TMEM255B: variants seen among roughly 807,000 people sequenced by gnomAD.
TMEM255B encodes the protein family with sequence similarity 70, member B.
TMEM255B carries 35 observed loss-of-function variants against 34.5 expected under a neutral mutation model. The ratio of observed to expected loss-of-function variants is 1.01; its 90% CI spans 0.77 to 1.34. The LOEUF (loss-of-function observed/expected upper bound fraction) is 1.34. Among genes scored for constraint, TMEM255B ranks in the 40% most tolerant of loss-of-function variants. The pLI, the probability that TMEM255B is intolerant of heterozygous loss-of-function variation, is 0.00. For missense variants in TMEM255B, 432 were observed against 433.2 expected (o/e 1.00, Z 0.02); for synonymous variants, 206 against 201.2 (o/e 1.02, Z -0.20).
In TMEM255B at chr13:113,802,896, C is replaced by T. The variant is rs1223650347; in HGVS notation, c.669+1084C>T. On this transcript the variant is annotated intron_variant, in intron 7 of 8. Coordinates refer to ENST00000375353, the MANE Select transcript of TMEM255B (RefSeq NM_182614.4). ...GGGGTCCTTGCTCTGTGGTGACAGCCGGCCGGCCCCTGCGGTGGGAGCGGG... is the reference window on the plus strand; with the variant it reads ...GGGGTCCTTGCTCTGTGGTGACAGCTGGCCGGCCCCTGCGGTGGGAGCGGG... 4.7e-5 allele frequency among the ~76,000 whole-genome samples: 7 copies of T among 148,018 alleles called. 2 individuals are homozygous for T. Among genetic ancestry groups the T allele is most frequent in the South Asian group, 2.1e-4 (1 of 4,764 alleles).
At chr13:113,759,548 CTG>C (rs1482181632) in intron 1 of TMEM255B, among the ~76,000 whole-genome samples, 1 of 98,188 alleles carries the variant, frequency 1.0e-5, no homozygotes, top group Non-Finnish European at 2.1e-5. Flanking sequence ...GTCTCTCTCT[CTG>C]TCTCTGTCTC....
chr13:113,807,398 ACACGTG>A (rs1194015999), intron 8 of TMEM255B, among the ~76,000 whole-genome samples: 1 of 121,194 alleles, frequency 8.3e-6, no homozygotes. Flanking sequence ...CCTCCCTGTC[ACACGTG>A]GGCTTACGGG....
intron 1 of TMEM255B, 78 bp from the exon 2 acceptor site, chr13:113,766,037 C>A: frequency 1.9e-6 from 3 of 1,579,932 alleles, no homozygotes; most frequent in Admixed American, 1.7e-5. Context: ...GGTAACGGAG[C>A]ACGGCCCAGA....
At chr13:113,775,691 A>G (rs557607472) in intron 3 of TMEM255B, among the ~76,000 whole-genome samples, 5 of 152,362 alleles carry the variant, frequency 3.3e-5, no homozygotes, top group Non-Finnish European at 7.3e-5. Flanking sequence ...GGAGTGGAGC[A>G]CAGGCGGAGC....
At chr13:113,759,544 C>CTCTCTG (rs58074269) in intron 1 of TMEM255B, among the ~76,000 whole-genome samples, 29 of 152,038 alleles carry the variant, frequency 1.9e-4, no homozygotes, top group Admixed American at 7.8e-4. Flanking sequence ...CCCTGTCTCT[C>CTCTCTG]TCTCTGTCTC....
chr13:113,805,717 C>T (rs560221648), intron 8 of TMEM255B, among the ~76,000 whole-genome samples: 4 of 152,322 alleles, frequency 2.6e-5, no homozygotes, highest in East Asian at 1.9e-4. Context: ...CCTCTGCCTG[C>T]GGCATATCAG....
At chr13:113,807,829 G>A (rs1410948803) in intron 8 of TMEM255B, among the ~76,000 whole-genome samples, 2 of 140,908 alleles carry the variant, frequency 1.4e-5, no homozygotes. Context: ...GGGATGTGGG[G>A]GGTGGTCCTC....
chr13:113,782,121 AT>A (rs1258679709), intron 3 of TMEM255B, among the ~76,000 whole-genome samples: 1 of 152,190 alleles, frequency 6.6e-6, no homozygotes, highest in Non-Finnish European at 1.5e-5. Context: ...TTTTGAAGAT[AT>A]TTTTATTTTA....
At chr13:113,779,639 A>G (rs1194027911) in intron 3 of TMEM255B, among the ~76,000 whole-genome samples, 3 of 152,174 alleles carry the variant, frequency 2.0e-5, no homozygotes, top group Non-Finnish European at 4.4e-5. Flanking sequence ...GGGGGCGTAG[A>G]GGGAGCGTCT....
chr13:113,778,151 G>GAACAGGAT (rs2050609575), intron 3 of TMEM255B, among the ~76,000 whole-genome samples: 1 of 152,252 alleles, frequency 6.6e-6, no homozygotes, highest in African/African-American at 2.4e-5. Flanking sequence ...TGCAGGACAG[G>GAACAGGAT]CGTGTTCCTG....
chr13:113,776,127 G>A (rs1235751113), intron 3 of TMEM255B, among the ~76,000 whole-genome samples: 2 of 152,182 alleles, frequency 1.3e-5, no homozygotes, highest in African/African-American at 4.8e-5. Flanking sequence ...AGAGGACCCT[G>A]TCCCGTCCCC....
chr13:113,803,857 G>A (rs1288535086), intron 7 of TMEM255B, among the ~76,000 whole-genome samples: 5 of 152,276 alleles, frequency 3.3e-5, no homozygotes, highest in African/African-American at 9.6e-5. Context: ...GGGCAGCACC[G>A]TTGTCTGAGG....
intron 3 of TMEM255B, among the ~76,000 whole-genome samples, chr13:113,792,097 G>A (rs1472427317): frequency 6.6e-6 from 1 of 152,248 alleles, no homozygotes; most frequent in African/African-American, 2.4e-5. Context: ...GGCCCCGACT[G>A]GGAAACCTCA....
chr13:113,811,856 C>G lies in TMEM255B; in HGVS notation c.934C>G (p.Pro312Ala). The change falls in exon 9 of 9, where the codon CCC (proline) becomes GCC (alanine). Residue 312 changes from proline to alanine, a missense_variant. Physicochemically the swap from Pro to Ala is conservative, Grantham distance 27. Transcript: ENST00000375353. ...LPGQAPPCYA[P>A]TYFPPGEKPP... ...CGGCCAGGCTCCACCGTGCTACGCA[C>G]CCACCTACTTTCCCCCGGGGGAGAA... 6.2e-7 allele frequency: 1 copy of G among 1,613,802 alleles called. No homozygotes were observed. The highest frequency in any genetic ancestry group is 8.5e-7 in the Non-Finnish European group (1 of 1,179,796).
intron 3 of TMEM255B, among the ~76,000 whole-genome samples, chr13:113,772,336 A>G (rs2050492127): frequency 6.6e-6 from 1 of 152,134 alleles, no homozygotes. Context: ...AAAAGTTTTT[A>G]ATTTTGATGA....
At chr13:113,794,991 C>T (rs1041314343) in intron 3 of TMEM255B, among the ~76,000 whole-genome samples, 157 bp from the exon 4 acceptor site, 1 of 152,222 alleles carries the variant, frequency 6.6e-6, no homozygotes, top group South Asian at 2.1e-4. Context: ...TGGAGTCCGG[C>T]CTGGCCAGGG....
intron 8 of TMEM255B, among the ~76,000 whole-genome samples, chr13:113,810,705 T>G (rs1335917880): frequency 6.6e-6 from 1 of 152,132 alleles, no homozygotes; most frequent in East Asian, 1.9e-4. Flanking sequence ...CCTTAACGCC[T>G]TCAGTGGAGA....
At chr13:113,763,608 G>T (rs1392805925) in intron 1 of TMEM255B, among the ~76,000 whole-genome samples, 1 of 152,182 alleles carries the variant, frequency 6.6e-6, no homozygotes, top group African/African-American at 2.4e-5. Flanking sequence ...AAAGTACATA[G>T]TGCATTGAAA....
At chr13:113,767,032 A>G (rs148252250) in intron 2 of TMEM255B, among the ~76,000 whole-genome samples, 88 of 152,360 alleles carry the variant, frequency 5.8e-4, no homozygotes, top group Non-Finnish European at 1.2e-3. Context: ...TGCCCTTCAC[A>G]TGCCCCAGAG....
Sources: gnomAD v4.1 joint callset for allele counts (sites outside exome capture counted in the v4.1 genomes callset) on GRCh38, gnomAD v4.1.1 for gene constraint, MANE v1.5 for transcripts, NCBI Gene and HGNC (gene_info 2026-07-23, HGNC 2026-07-21) for gene names.